DOCK7: variants seen among roughly 807,000 people sequenced by gnomAD.
The protein encoded by DOCK7 is dedicator of cytokinesis 7, also known as dedicator of cytokinesis protein 7.
In DOCK7, 138 loss-of-function variants were observed where a neutral mutation model predicts 271.0. The ratio of observed to expected loss-of-function variants is 0.51; its 90% CI spans 0.44 to 0.59. The LOEUF (loss-of-function observed/expected upper bound fraction) is 0.59, where lower values mean the gene tolerates loss of function less well. DOCK7 is among the 20% of genes least tolerant of loss of function. The pLI, the probability that DOCK7 is intolerant of heterozygous loss-of-function variation, is 0.00. For missense variants in DOCK7, 2,066 were observed against 2,592.4 expected, an observed-to-expected ratio of 0.80 and a Z score of 4.41; for synonymous variants, 823 against 876.1, an observed-to-expected ratio of 0.94 and a Z score of 1.07.
intron 1 of DOCK7, among the ~76,000 whole-genome samples, chr1:62,674,896 A>G (rs1247120808): frequency 6.6e-6 from 1 of 152,214 alleles, no homozygotes; most frequent in Non-Finnish European, 1.5e-5. Context: ...TTAGGCAAAA[A>G]GTCTTAGCTA....
At chr1:62,490,037 G>C (rs1646413580) in intron 41 of DOCK7, among the ~76,000 whole-genome samples, 1 of 137,592 alleles carries the variant, frequency 7.3e-6, no homozygotes, top group Non-Finnish European at 1.6e-5. Context: ...AGATGTCTTT[G>C]TATTGGTCTT....
rs771461909 is a variant in DOCK7 at position 62,634,925 on chromosome 1, A to G, written c.886-3T>C. 2.5e-6 allele frequency: 4 copies of G among 1,581,416 alleles called. No individual in the cohort carries two copies. In the South Asian group the frequency reaches 3.4e-5, roughly 14 times the overall value. On this transcript the variant is annotated splice_polypyrimidine_tract_variant and splice_region_variant and intron_variant, in intron 8 of 49. Coordinates refer to ENST00000635253, the MANE Select transcript of DOCK7 (RefSeq NM_001367561.1). Reference sequence around the variant, plus strand: ...TCAAAATAAAAGTTTTCTGAAATCTAAAAAATATTAGTATGTTAAACTTTA... The same window carrying G: ...TCAAAATAAAAGTTTTCTGAAATCTGAAAAATATTAGTATGTTAAACTTTA...
intron 48 of DOCK7, among the ~76,000 whole-genome samples, chr1:62,464,219 C>T (rs1645610917): frequency 6.6e-6 from 1 of 151,620 alleles, no homozygotes; most frequent in African/African-American, 2.4e-5. Context: ...GCCACCATGC[C>T]CGGCTAATTT....
Position 62,504,689 on chromosome 1 carries a change from G to A in DOCK7, c.4705C>T (p.Arg1569Trp), listed in dbSNP as rs1044789304. 3 of 1,614,050 alleles carry A rather than the reference G, an allele frequency of 1.9e-6. No homozygotes were observed. Among genetic ancestry groups the A allele is most frequent in the Admixed American group, 1.7e-5 (1 of 60,012 alleles). Residue 1569 changes from arginine to tryptophan, a missense_variant, in exon 37 of 50, where the codon CGG becomes TGG. This residue lies in a region of DOCK7 where 652 missense variants were observed against 922.1 expected (regional missense o/e 0.71). Transcript: ENST00000635253. ...RHCSSSIGTIRSHASASLYLL... is the reference protein window; with the variant it reads ...RHCSSSIGTIWSHASASLYLL... ...TAAAGGGAGGCACTGGCGTGTGACC[G>A]TATTGTACCGATGCTACTGCTACAG...
intron 27 of DOCK7, among the ~76,000 whole-genome samples, chr1:62,538,958 C>T (rs1163468606): frequency 6.6e-6 from 1 of 152,134 alleles, no homozygotes; most frequent in African/African-American, 2.4e-5. Context: ...AGTGGCCCAG[C>T]AGAACCAATA....
At position 62,575,155 on chromosome 1, in the gene DOCK7, A is replaced by G. The variant is rs535771679; in HGVS notation, c.2112+2107T>C. ...CTCCAGAACTCGAGTGATCCTCTCA[A>G]GAAGCTGGGATTACAGGTGTGCCAC... is the stretch of plus-strand genomic sequence containing the variant. On this transcript the variant is annotated intron_variant, in intron 18 of 49. Coordinates refer to ENST00000635253, the MANE Select transcript of DOCK7 (RefSeq NM_001367561.1). Among the ~76,000 whole-genome samples, 4 of 152,342 alleles carry G rather than the reference A, an allele frequency of 2.6e-5. No homozygotes were observed. The South Asian group carries it at 8.3e-4, about 32-fold the overall frequency.
At chr1:62,660,788 G>C (rs1335228907) in intron 2 of DOCK7, among the ~76,000 whole-genome samples, 1 of 152,084 alleles carries the variant, frequency 6.6e-6, no homozygotes, top group Non-Finnish European at 1.5e-5. Context: ...ACATATAATG[G>C]AGTACTATTC....
chr1:62,670,501 A>T lies in DOCK7; in HGVS notation c.39-7371T>A, dbSNP rs1489079837. ...TCTGGTGAGGACGTGGAGAACCTTT[A>T]TGTCTAGCTCAAGGATTGTAAATAC... On this transcript the variant is annotated intron_variant, in intron 1 of 49. Coordinates refer to ENST00000635253, the MANE Select transcript of DOCK7 (RefSeq NM_001367561.1). 3.4e-5 allele frequency among the ~76,000 whole-genome samples: 5 copies of T among 145,798 alleles called. No individual in the cohort carries two copies. The East Asian group carries it at 8.0e-4, about 23-fold the overall frequency.
At chr1:62,534,616 T>G (rs1461805496) in intron 29 of DOCK7, among the ~76,000 whole-genome samples, 1 of 151,914 alleles carries the variant, frequency 6.6e-6, no homozygotes, top group Non-Finnish European at 1.5e-5. Context: ...GTGAGACCTA[T>G]TCTCAAAAAA....
At chr1:62,543,397 A>G (rs1645598725) in intron 24 of DOCK7, 1 of 270,676 alleles carries the variant, frequency 3.7e-6, no homozygotes, top group Admixed American at 5.0e-5. Flanking sequence ...TGGTACTAAA[A>G]TTTGATGATC....
chr1:62,638,623 A>ATATT (rs1655585164), intron 7 of DOCK7, among the ~76,000 whole-genome samples: 2 of 147,804 alleles, frequency 1.4e-5, no homozygotes, highest in Admixed American at 6.8e-5. Flanking sequence ...ATGAATATAT[A>ATATT]TTTTCATGAA....
At chr1:62,601,836 A>T (rs568204829) in intron 14 of DOCK7, 23 of 1,610,350 alleles carry the variant, frequency 1.4e-5, no homozygotes, top group Non-Finnish European at 2.0e-5. Flanking sequence ...ATGCCATCAG[A>T]CCCAGCAACT....
chr1:62,604,001 T>G, intron 14 of DOCK7: 1 of 1,613,016 alleles, frequency 6.2e-7, no homozygotes. Context: ...GAAGATATAC[T>G]CCATAGTGAA....
Position 62,543,706 on chromosome 1 carries a change from C to G in DOCK7, c.2899G>C (p.Glu967Gln), listed in dbSNP as rs1645609473. The G allele has an allele frequency of 6.2e-7, 1 of 1,604,822 alleles. No homozygotes were observed. Among genetic ancestry groups the G allele is most frequent in the Non-Finnish European group, 8.5e-7 (1 of 1,173,176 alleles). The change falls in exon 24 of 50, where the codon GAG becomes CAG. Residue 967 changes from glutamate to glutamine, a missense_variant. Coordinates refer to ENST00000635253, the MANE Select transcript of DOCK7 (RefSeq NM_001367561.1). ...RSCNRMSSHT[E>Q]TSSFLQTLTG... ...AATGTTTGTAAGAAACTTGACGTCT[C>G]TGTGTGCGAAGACATACGATTACAA...
At chr1:62,576,693 T>C (rs529262428) in intron 18 of DOCK7, among the ~76,000 whole-genome samples, 1 of 152,302 alleles carries the variant, frequency 6.6e-6, no homozygotes, top group East Asian at 1.9e-4. Flanking sequence ...AAGAGGAACT[T>C]TGGTTTATGA....
intron 7 of DOCK7, among the ~76,000 whole-genome samples, chr1:62,646,561 T>C (rs2149674890): frequency 6.6e-6 from 1 of 152,266 alleles, no homozygotes; most frequent in East Asian, 1.9e-4. Flanking sequence ...GACCTCTCTC[T>C]CTCTGTGCAC....
At chr1:62,531,309 T>C (rs1645168476) in intron 29 of DOCK7, among the ~76,000 whole-genome samples, 2 of 152,230 alleles carry the variant, frequency 1.3e-5, no homozygotes, top group South Asian at 4.1e-4. Flanking sequence ...TAAAGCCTTT[T>C]CATATGCTTA....
rs1200910094 is a variant in DOCK7 at position 62,604,259 on chromosome 1, T to G, written c.1682+14447A>C. 4 of 1,610,652 alleles carry G rather than the reference T, an allele frequency of 2.5e-6. No homozygotes were observed. In the Admixed American group the frequency reaches 6.7e-5, roughly 27 times the overall value. ...AGGTATCTTTTTCTGATACCAATAC[T>G]TTATTTTCATATCTTCAAAGTATCT... On this transcript the variant is annotated intron_variant, in intron 14 of 49. Coordinates refer to ENST00000635253, the MANE Select transcript of DOCK7 (RefSeq NM_001367561.1).
chr1:62,460,386 A>T (rs1305520), intron 48 of DOCK7, among the ~76,000 whole-genome samples: 87,454 of 151,860 alleles, frequency 0.58, 26,838 homozygotes, highest in East Asian at 0.75. Flanking sequence ...TTTTCTTGTC[A>T]TTATTTCCTA....
Sources: gnomAD v4.1 joint callset for allele counts (sites outside exome capture counted in the v4.1 genomes callset) on GRCh38, gnomAD v4.1.1 for gene constraint, gnomAD v4.1.1 regional missense constraint, MANE v1.5 for transcripts, NCBI Gene and HGNC (gene_info 2026-07-23, HGNC 2026-07-21) for gene names.